SSBP3: variants seen among roughly 807,000 people sequenced by gnomAD.
SSBP3 encodes the protein single-stranded DNA-binding protein 3.
SSBP3 carries 5 observed loss-of-function variants against 69.6 expected under a neutral mutation model. The observed-to-expected ratio is 0.07, with a 90% CI of 0.04 to 0.15. The LOEUF (loss-of-function observed/expected upper bound fraction) is 0.15. Among genes scored for constraint, SSBP3 ranks in the 10% least tolerant of loss-of-function variants. The pLI is 1.00. For synonymous variants in SSBP3, 196 were observed against 193.4 expected, an observed-to-expected ratio of 1.01 and a Z score of -0.11; for missense variants, 312 against 534.0, an observed-to-expected ratio of 0.58 and a Z score of 4.10.
chr1:54,359,735 A>G (rs1342628262), intron 4 of SSBP3, among the ~76,000 whole-genome samples: 1 of 152,226 alleles, frequency 6.6e-6, no homozygotes, highest in African/African-American at 2.4e-5. Context: ...TCCGTGGAGC[A>G]AAGAATCAGA....
intron 1 of SSBP3, 52 bp from the exon 2 acceptor site, chr1:54,404,982 C>G: frequency 6.6e-7 from 1 of 1,519,048 alleles, no homozygotes; most frequent in South Asian, 1.1e-5. Flanking sequence ...TCAGATCCCA[C>G]CGGCGCTCTC....
intron 4 of SSBP3, among the ~76,000 whole-genome samples, chr1:54,367,948 A>G (rs1160493110): frequency 6.6e-6 from 1 of 152,252 alleles, no homozygotes; most frequent in African/African-American, 2.4e-5. Context: ...AACAAGCAAT[A>G]GTAAGGAACT....
At chr1:54,349,173 T>C (rs969658970) in intron 4 of SSBP3, among the ~76,000 whole-genome samples, 1 of 152,206 alleles carries the variant, frequency 6.6e-6, no homozygotes, top group Non-Finnish European at 1.5e-5. Context: ...AGAGCCACTA[T>C]GGAGGAGAGA....
chr1:54,240,915 G>A (rs1449508092), exon 13 of SSBP3: 1 of 1,612,608 alleles, frequency 6.2e-7, no homozygotes, highest in East Asian at 2.2e-5. Flanking sequence ...CTGCGGGACT[G>A]GGCATAATGG....
chr1:54,373,780 A>C (rs1016382222), intron 4 of SSBP3, among the ~76,000 whole-genome samples: 23 of 151,322 alleles, frequency 1.5e-4, no homozygotes, highest in African/African-American at 4.8e-4. Flanking sequence ...AAAAAAAAAA[A>C]AAAAAACAGG....
intron 4 of SSBP3, among the ~76,000 whole-genome samples, chr1:54,342,604 G>C (rs1646628358): frequency 6.6e-6 from 1 of 151,998 alleles, no homozygotes; most frequent in African/African-American, 2.4e-5. Context: ...AAAAGGGACA[G>C]ACTGGGGGAA....
At chr1:54,374,602 G>A (rs540463835) in intron 4 of SSBP3, among the ~76,000 whole-genome samples, 13 of 152,288 alleles carry the variant, frequency 8.5e-5, no homozygotes, top group Admixed American at 7.2e-4. Context: ...AAGCCAAGGT[G>A]AAGAAGCAAG....
intron 5 of SSBP3, among the ~76,000 whole-genome samples, chr1:54,274,348 G>C (rs1458727013): frequency 6.6e-6 from 1 of 152,142 alleles, no homozygotes. Flanking sequence ...AATCACAGCA[G>C]GGAACAGCTT....
chr1:54,268,310 G>A (rs1429748530), intron 5 of SSBP3, among the ~76,000 whole-genome samples: 3 of 152,218 alleles, frequency 2.0e-5, no homozygotes, highest in Non-Finnish European at 2.9e-5. Flanking sequence ...GCCGGCCTCC[G>A]CCACCGCTCG....
intron 4 of SSBP3, among the ~76,000 whole-genome samples, chr1:54,307,347 C>A (rs888486679): frequency 1.3e-5 from 2 of 152,186 alleles, no homozygotes; most frequent in Admixed American, 6.5e-5. Context: ...CTCCCAGGCA[C>A]CCCCTGATCC....
intron 4 of SSBP3, among the ~76,000 whole-genome samples, chr1:54,281,901 G>A (rs758542864): frequency 1.1e-4 from 17 of 152,066 alleles, no homozygotes; most frequent in East Asian, 3.9e-4. Flanking sequence ...GTTCGAGACC[G>A]GCGCGGGCAA....
rs1246191230 is a variant in SSBP3, at chr1:54,241,472, A to C, written c.801+2T>G. ...TGCAATGCCCCAAACCCACACACTT[A>C]CCACATAGGTACCAGGTGATGAGGA... On this transcript the variant is annotated splice_donor_variant, in intron 12 of 17. Coordinates refer to ENST00000610401, the Ensembl canonical transcript of SSBP3. LOFTEE classifies it high-confidence loss of function. 1 of 1,614,016 alleles carries C rather than the reference A, an allele frequency of 6.2e-7. No homozygotes were observed. The highest frequency in any genetic ancestry group is 8.5e-7 in the Non-Finnish European group (1 of 1,179,998).
At chr1:54,337,485 C>CTTTGTTTTTTTTTTTTTTT (rs1646529215) in intron 4 of SSBP3, among the ~76,000 whole-genome samples, 2 of 51,134 alleles carry the variant, frequency 3.9e-5, no homozygotes, top group Non-Finnish European at 6.5e-5. Context: ...TTTCCTCAAG[C>CTTTGTTTTTTTTTTTTTTT]TTTTTTTTTT....
chr1:54,349,354 G>T (rs1170053632), intron 4 of SSBP3, among the ~76,000 whole-genome samples: 1 of 152,150 alleles, frequency 6.6e-6, no homozygotes, highest in Non-Finnish European at 1.5e-5. Flanking sequence ...GCACCCAAAT[G>T]TTTGTTTGTT....
chr1:54,305,745 A>G (rs12240201), intron 4 of SSBP3, among the ~76,000 whole-genome samples: 8,538 of 151,596 alleles, frequency 0.056, 326 homozygotes, highest in South Asian at 0.13. Context: ...GGAGTGAGCC[A>G]CTGCGTCCGG....
Position 54,371,180 on chromosome 1 carries a change from G to A in SSBP3, c.276+30681C>T, listed in dbSNP as rs114003091. Among the ~76,000 whole-genome samples the A allele has an allele frequency of 4.6e-3, 701 of 152,292 alleles. 6 individuals carry two copies. Among genetic ancestry groups the A allele is most frequent in the African/African-American group, 0.016 (657 of 41,542 alleles). The stretch of plus-strand genomic sequence containing the variant: ...ATTATTTTCATAGCCATATCAGGTC[G>A]CCCTGCAGGCAAACACTATTCTCAG... On this transcript the variant is annotated intron_variant, in intron 4 of 17. Transcript: ENST00000610401.
Position 54,258,236 on chromosome 1 carries a change from A to C in SSBP3, c.367-87T>G. 2.9e-6 allele frequency: 3 copies of C among 1,022,154 alleles called. No homozygotes were observed. The highest frequency in any genetic ancestry group is 4.1e-5 in the East Asian group (1 of 24,156). The allele number at this position is 1,022,154 out of a possible 1,614,324, so 63.3% of individuals were successfully genotyped here. A position where few individuals can be genotyped will look rare whatever the true frequency, so the allele number is the denominator to read the frequency against. On this transcript the variant is annotated intron_variant, in intron 5 of 17. Coordinates refer to ENST00000610401, the Ensembl canonical transcript of SSBP3. This position sits in a 1 kb window ranked among gnomAD's most constrained non-coding sequence, Gnocchi z 4.5. ...GCTTAAAAGAACAAAAATTAAACCA[A>C]AACGAAGGGTGGGCGGCGGGCGTGC...
chr1:54,311,232 A>T (rs978203022), intron 4 of SSBP3, among the ~76,000 whole-genome samples: 1 of 152,194 alleles, frequency 6.6e-6, no homozygotes, highest in Non-Finnish European at 1.5e-5. Flanking sequence ...ATCCACCACC[A>T]GTGAAGACCA....
intron 14 of SSBP3, chr1:54,238,631 C>CT: frequency 3.1e-6 from 1 of 317,546 alleles, no homozygotes; most frequent in Non-Finnish European, 6.5e-6. Flanking sequence ...GGCTGCAACT[C>CT]TGAGAGGCAA....
Sources: allele counts gnomAD v4.1 joint callset (sites outside exome capture counted in the v4.1 genomes callset), GRCh38; gene constraint gnomAD v4.1.1; non-coding constraint Gnocchi (gnomAD v3.1); transcripts MANE v1.5; gene names NCBI Gene and HGNC (gene_info 2026-07-23, HGNC 2026-07-21).